Variants in SLIT2 observed in about 807,000 individuals in gnomAD.
SLIT2 encodes slit guidance ligand 2, also known as slit homolog 2 protein.
In SLIT2, 41 loss-of-function variants were observed where a neutral mutation model predicts 185.7. The observed-to-expected ratio is 0.22, with a 90% confidence interval of 0.17 to 0.29. The LOEUF (loss-of-function observed/expected upper bound fraction) is 0.29. Ranked by LOEUF, SLIT2 falls within the 10% of genes least tolerant of loss-of-function variation. SLIT2 has a pLI of 1.00. For synonymous variants in SLIT2, 693 were observed against 680.2 expected (o/e 1.02, Z -0.29); for missense variants, 1,571 against 1,909.0 (o/e 0.82, Z 3.30).
chr4:20,362,373 G>A (rs1292154332), intron 4 of SLIT2, among the ~76,000 whole-genome samples: 1 of 152,138 alleles, frequency 6.6e-6, no homozygotes, highest in Non-Finnish European at 1.5e-5. Flanking sequence ...TACCTCGGAA[G>A]AGGCAGGCTC....
intron 5 of SLIT2, among the ~76,000 whole-genome samples, chr4:20,472,321 T>TAG (rs1715263134): frequency 2.5e-5 from 2 of 78,606 alleles, no homozygotes; most frequent in Non-Finnish European, 4.5e-5. Context: ...TATAGATATA[T>TAG]ATATCTATAT....
chr4:20,257,041 T>C (rs988221143), intron 2 of SLIT2, among the ~76,000 whole-genome samples: 5 of 152,110 alleles, frequency 3.3e-5, no homozygotes, highest in African/African-American at 1.2e-4. Flanking sequence ...TTTCACAAAA[T>C]GAATAAGTAA....
intron 4 of SLIT2, chr4:20,393,246 T>A (rs545032533): frequency 6.6e-6 from 1 of 152,196 alleles, no homozygotes; most frequent in East Asian, 1.9e-4. Context: ...AGAACTTTCT[T>A]GCTGATACCG....
chr4:20,393,348 A>G (rs1304804451), intron 4 of SLIT2: 1 of 152,042 alleles, frequency 6.6e-6, no homozygotes, highest in Admixed American at 6.6e-5. Context: ...CATTCCCCCC[A>G]GAATCCTGAC....
rs1371060546 is a variant in SLIT2 at position 20,335,407 on chromosome 4, T to A, written c.395+66526T>A. Among the ~76,000 whole-genome samples the A allele has an allele frequency of 2.0e-5, 3 of 152,186 alleles. No homozygotes were observed. In the East Asian group the frequency reaches 5.8e-4, roughly 29 times the overall value. The stretch of plus-strand genomic sequence containing the variant: ...ATGGCATGGCTTATTATTCAATGAA[T>A]GTTTGAAATGTTACAATGCCATATA... On this transcript the variant is annotated intron_variant, in intron 4 of 36. Coordinates refer to ENST00000504154, the MANE Select transcript of SLIT2 (RefSeq NM_004787.4).
At chr4:20,358,975 T>C (rs1159047988) in intron 4 of SLIT2, among the ~76,000 whole-genome samples, 1 of 152,092 alleles carries the variant, frequency 6.6e-6, no homozygotes, top group Non-Finnish European at 1.5e-5. Flanking sequence ...ATAGACAAGA[T>C]TGATATATAT....
intron 32 of SLIT2, among the ~76,000 whole-genome samples, chr4:20,597,470 G>A (rs1728076921): frequency 6.6e-6 from 1 of 152,114 alleles, no homozygotes; most frequent in Non-Finnish European, 1.5e-5. Flanking sequence ...ATACCTTTAA[G>A]CAAGTCATTC....
intron 4 of SLIT2, among the ~76,000 whole-genome samples, chr4:20,300,493 A>G (rs1051469435): frequency 1.3e-5 from 2 of 152,116 alleles, no homozygotes; most frequent in African/African-American, 4.8e-5. Context: ...CTGTGCATTT[A>G]TCACTTTGTA....
chr4:20,376,594 T>C (rs1171628933), intron 4 of SLIT2, among the ~76,000 whole-genome samples: 3 of 152,144 alleles, frequency 2.0e-5, no homozygotes, highest in Admixed American at 2.0e-4. Flanking sequence ...GAAATGATTT[T>C]CTTCCCTTTT....
At chr4:20,304,469 G>A (rs1453481993) in intron 4 of SLIT2, among the ~76,000 whole-genome samples, 1 of 152,116 alleles carries the variant, frequency 6.6e-6, no homozygotes, top group Non-Finnish European at 1.5e-5. Context: ...ATGCCCTTGT[G>A]TAGTGCCTTT....
At chr4:20,303,078 A>T (rs567939168) in intron 4 of SLIT2, among the ~76,000 whole-genome samples, 1 of 152,222 alleles carries the variant, frequency 6.6e-6, no homozygotes. Flanking sequence ...TGAAACCTTT[A>T]TTATCTATAT....
chr4:20,317,162 G>A (rs2109151758), intron 4 of SLIT2, among the ~76,000 whole-genome samples: 1 of 152,024 alleles, frequency 6.6e-6, no homozygotes. Context: ...ATCTCCTTGA[G>A]TTTATTAACA....
chr4:20,472,334 AGATC>A (rs1560453245), intron 5 of SLIT2, among the ~76,000 whole-genome samples: 8 of 51,516 alleles, frequency 1.6e-4, no homozygotes, highest in East Asian at 7.7e-4. Flanking sequence ...ATCTATATAT[AGATC>A]TATATATAGA....
At chr4:20,403,519 A>G (rs984695760) in intron 4 of SLIT2, among the ~76,000 whole-genome samples, 1 of 151,964 alleles carries the variant, frequency 6.6e-6, no homozygotes, top group East Asian at 1.9e-4. Context: ...TCAGGAGTAC[A>G]ATTTGTTGTT....
chr4:20,505,248 A>C (rs1344419101), intron 9 of SLIT2, among the ~76,000 whole-genome samples: 2 of 152,116 alleles, frequency 1.3e-5, no homozygotes, highest in Non-Finnish European at 2.9e-5. Context: ...ACAGCGAAAG[A>C]AAATAGCTTT....
At chr4:20,447,799 CAT>C (rs1711984833) in intron 4 of SLIT2, among the ~76,000 whole-genome samples, 1 of 152,188 alleles carries the variant, frequency 6.6e-6, no homozygotes, top group African/African-American at 2.4e-5. Context: ...CAAGTGCCCA[CAT>C]GAAAACAGTC....
chr4:20,471,065 A>G (rs1393199451), intron 5 of SLIT2, among the ~76,000 whole-genome samples: 7 of 152,134 alleles, frequency 4.6e-5, no homozygotes, highest in Non-Finnish European at 1.0e-4. Flanking sequence ...ATTTATTCCC[A>G]CTATTCTCAT....
chr4:20,328,600 A>G (rs138785848), intron 4 of SLIT2, among the ~76,000 whole-genome samples: 39 of 152,166 alleles, frequency 2.6e-4, no homozygotes, highest in African/African-American at 8.9e-4. Flanking sequence ...GAAAAAAAAA[A>G]TTATATTTGA....
chr4:20,619,053 C>T lies in SLIT2; in HGVS notation c.*44C>T, dbSNP rs1328286025. 6.3e-7 allele frequency: 1 copy of T among 1,582,972 alleles called. No individual in the cohort carries two copies. The highest frequency in any genetic ancestry group is 1.7e-5 in the Admixed American group (1 of 59,244). ...TGTCTTTGGAAAAGGTTGTATACTT[C>T]TTGACCGTGTGGGACTAATGAATGC... On this transcript the variant is annotated 3_prime_UTR_variant, in exon 37 of 37. Coordinates refer to ENST00000504154, the MANE Select transcript of SLIT2 (RefSeq NM_004787.4).
Sources: gnomAD v4.1 joint callset for allele counts (sites outside exome capture counted in the v4.1 genomes callset) on GRCh38, gnomAD v4.1.1 for gene constraint, MANE v1.5 for transcripts, NCBI Gene and HGNC (gene_info 2026-07-23, HGNC 2026-07-21) for gene names.